Variants in SUPT6H observed in about 807,000 individuals in gnomAD.
SUPT6H encodes the protein SPT6 homolog, histone chaperone and transcription elongation factor, also known as transcription elongation factor SPT6.
A neutral mutation model predicts 222.3 loss-of-function variants in SUPT6H; 11 were observed. That is an observed-to-expected ratio of 0.05 (90% CI 0.03 to 0.08). SUPT6H has a LOEUF of 0.08. Ranked by LOEUF, SUPT6H falls within the 10% of genes least tolerant of loss-of-function variation. The pLI, the probability that SUPT6H is intolerant of heterozygous loss-of-function variation, is 1.00. For synonymous variants in SUPT6H, 762 were observed against 801.2 expected (o/e 0.95, Z 0.83); for missense variants, 1,422 against 2,216.0 (o/e 0.64, Z 7.19).
chr17:28,669,828 C>G (rs1010649670), intron 1 of SUPT6H, among the ~76,000 whole-genome samples: 1 of 152,116 alleles, frequency 6.6e-6, no homozygotes, highest in Non-Finnish European at 1.5e-5. Flanking sequence ...CCCACCTACT[C>G]GGGAGGCTGA....
In SUPT6H at chr17:28,691,060, C is replaced by T. The variant is rs774433102; in HGVS notation, c.3630C>T (p.Ser1210=). Residue 1210 remains serine (S), a synonymous_variant, in exon 27 of 37, where the codon AGC becomes AGT. Transcript: ENST00000314616. Reference sequence around the variant, plus strand: ...AGCAGGACAATTTCCCTGAACTAAGCGAGGTGTGTGCTGCAGCATTATCCT... The same window carrying T: ...AGCAGGACAATTTCCCTGAACTAAGTGAGGTGTGTGCTGCAGCATTATCCT... ...FCQQDNFPEL[S]EVWNHFDSGS... The T allele has an allele frequency of 2.9e-5, 46 of 1,613,370 alleles. No homozygotes were observed. In the African/African-American group the frequency reaches 5.5e-4, roughly 19 times the overall value.
At chr17:28,685,236 C>A (rs1161212663) in intron 19 of SUPT6H, among the ~76,000 whole-genome samples, 1 of 152,156 alleles carries the variant, frequency 6.6e-6, no homozygotes. Flanking sequence ...GCATCTGGGT[C>A]AGGCTGTTCC....
chr17:28,701,535 A>G lies in SUPT6H; in HGVS notation c.5091A>G (p.Thr1697=). 2 of 1,613,846 alleles carry G rather than the reference A, an allele frequency of 1.2e-6. No homozygotes were observed. The highest frequency in any genetic ancestry group is 1.7e-6 in the Non-Finnish European group (2 of 1,179,968). The part of the protein sequence containing the change: ...AERRKQKQRL[T]PRPSPSPMIE... ...GGCGGAAACAGAAGCAGCGGCTGAC[A>G]CCTCGGCCCTCCCCCAGCCCCATGA... Residue 1697 remains threonine (T), a synonymous_variant, in exon 37 of 37, where the codon ACA becomes ACG. Transcript: ENST00000314616.
intron 27 of SUPT6H, chr17:28,691,870 TTC>T (rs1192990259): frequency 6.7e-6 from 1 of 149,848 alleles, no homozygotes. Context: ...AAAAAGAAAC[TTC>T]TTATGGTCGC....
chr17:28,700,270 G>T lies in SUPT6H; in HGVS notation c.4639+20G>T. 6.2e-7 allele frequency: 1 copy of T among 1,614,210 alleles called. No homozygotes were observed. The highest frequency in any genetic ancestry group is 8.5e-7 in the Non-Finnish European group (1 of 1,180,050). ...TTGCAGGTGAGGAGCTTGAGCCTGGGACTGGAGGTGGGAAGGATGGAGCTA... is the reference window on the plus strand; with the variant it reads ...TTGCAGGTGAGGAGCTTGAGCCTGGTACTGGAGGTGGGAAGGATGGAGCTA... On this transcript the variant is annotated intron_variant, in intron 34 of 36. Transcript: ENST00000314616.
intron 27 of SUPT6H, among the ~76,000 whole-genome samples, chr17:28,692,966 A>C (rs906919065): frequency 6.2e-5 from 9 of 145,852 alleles, no homozygotes; most frequent in Non-Finnish European, 1.0e-4. Flanking sequence ...GTGCCACTGC[A>C]CTCCAGCCTG....
chr17:28,678,549 C>T lies in SUPT6H; in HGVS notation c.1121C>T (p.Pro374Leu). The T allele has an allele frequency of 1.2e-6, 2 of 1,614,140 alleles. No individual in the cohort carries two copies. The highest frequency in any genetic ancestry group is 1.7e-6 in the Non-Finnish European group (2 of 1,180,018). ...GCAGTCTCTTTGCCATCCTAGGTGCCTTTTATTGCCTTCTATCGAAAGGAG... is the reference window on the plus strand; with the variant it reads ...GCAGTCTCTTTGCCATCCTAGGTGCTTTTTATTGCCTTCTATCGAAAGGAG... Reference protein sequence around the residue: ...GFMRNQHFEVPFIAFYRKEYV... With the variant: ...GFMRNQHFEVLFIAFYRKEYV... Residue 374 changes from proline to leucine, a missense_variant, in exon 10 of 37, where the codon CCT (proline) becomes CTT (leucine). By Grantham distance (98) the Pro-to-Leu change is moderately conservative. Coordinates refer to ENST00000314616, the MANE Select transcript of SUPT6H (RefSeq NM_003170.5).
chr17:28,667,401 G>GTTTA (rs1487315926), intron 1 of SUPT6H, among the ~76,000 whole-genome samples: 1 of 20,026 alleles, frequency 5.0e-5, no homozygotes, highest in Non-Finnish European at 1.4e-4. Context: ...AAAAGTGTGT[G>GTTTA]TGTGTATATA....
chr17:28,698,517 T>C (rs998578322), intron 32 of SUPT6H, among the ~76,000 whole-genome samples: 1 of 152,248 alleles, frequency 6.6e-6, no homozygotes, highest in Non-Finnish European at 1.5e-5. Flanking sequence ...TCTGTGTGAC[T>C]AACAGGCTGG....
intron 7 of SUPT6H, among the ~76,000 whole-genome samples, chr17:28,676,919 CAA>C (rs796077989): frequency 7.1e-6 from 1 of 140,262 alleles, no homozygotes. Flanking sequence ...GACCCTGTCT[CAA>C]AAAAAAAAAA....
chr17:28,681,182 G>T, intron 11 of SUPT6H, 74 bp from the exon 12 acceptor site: 1 of 1,556,084 alleles, frequency 6.4e-7, no homozygotes, highest in Non-Finnish European at 8.8e-7. Flanking sequence ...TTTGGGAATT[G>T]GACCTCTTGT....
At chr17:28,687,699 G>C (rs957640135) in intron 23 of SUPT6H, among the ~76,000 whole-genome samples, 3 of 152,024 alleles carry the variant, frequency 2.0e-5, no homozygotes, top group Non-Finnish European at 4.4e-5. Context: ...TGTATTTTTA[G>C]TAGAGACGGG....
chr17:28,696,627 G>C (rs1038206672), intron 29 of SUPT6H, among the ~76,000 whole-genome samples: 2 of 150,042 alleles, frequency 1.3e-5, no homozygotes, highest in Non-Finnish European at 3.0e-5. Context: ...GATGTGCACC[G>C]GTGTATTCCC....
In SUPT6H at chr17:28,678,079, A is replaced by G. The variant is rs2030867810; in HGVS notation, c.1003A>G (p.Ser335Gly). 2 of 1,613,494 alleles carry G rather than the reference A, an allele frequency of 1.2e-6. No individual in the cohort carries two copies. Among genetic ancestry groups the G allele is most frequent in the African/African-American group, 2.7e-5 (2 of 74,892 alleles). ...FATPTISLQE[S>G]CDYLDRGQPA... ...TTTCTTTATTTTCCTACTGTAGGAA[A>G]GCTGTGATTACCTAGACCGAGGGCA... Residue 335 changes from serine to glycine, a missense_variant, in exon 9 of 37, where the codon AGC becomes GGC. Ser to Gly is a moderately conservative substitution (Grantham distance 56). Transcript: ENST00000314616.
At chr17:28,670,287 G>A (rs187666363) in intron 1 of SUPT6H, 7 of 152,358 alleles carry the variant, frequency 4.6e-5, no homozygotes, top group African/African-American at 1.7e-4. Flanking sequence ...TAACTCATAG[G>A]ACAGTGTAGG....
At chr17:28,676,861 C>T (rs200472328) in intron 7 of SUPT6H, among the ~76,000 whole-genome samples, 2 of 151,780 alleles carry the variant, frequency 1.3e-5, no homozygotes, top group East Asian at 1.9e-4. Flanking sequence ...TGGGAGGTCA[C>T]GGCTGCAGTG....
chr17:28,673,731 T>G, intron 2 of SUPT6H: 1 of 522,960 alleles, frequency 1.9e-6, no homozygotes, highest in African/African-American at 1.9e-5. Context: ...ATCCAGCTAT[T>G]GTGGAGTTTA....
At chr17:28,700,905 A>ACACCCAT in intron 35 of SUPT6H, 36 bp from the exon 36 acceptor site, 4 of 1,579,678 alleles carry the variant, frequency 2.5e-6, no homozygotes, top group Non-Finnish European at 3.5e-6. Flanking sequence ...AACAAGCCCC[A>ACACCCAT]CACCCATCCC....
intron 27 of SUPT6H, chr17:28,691,321 T>A (rs2031631800): frequency 5.1e-6 from 2 of 390,430 alleles, no homozygotes; most frequent in African/African-American, 4.0e-5. Flanking sequence ...AGATCAGGGG[T>A]TCGAGACCAG....
Sources: gnomAD v4.1 joint callset for allele counts (sites outside exome capture counted in the v4.1 genomes callset) on GRCh38, gnomAD v4.1.1 for gene constraint, MANE v1.5 for transcripts, NCBI Gene and HGNC (gene_info 2026-07-23, HGNC 2026-07-21) for gene names.